Variants in SPACA1 observed in about 807,000 individuals in gnomAD.
SPACA1 encodes the protein sperm acrosome associated 1.
In SPACA1, 17 loss-of-function variants were observed where a neutral mutation model predicts 32.6. That is an observed-to-expected ratio of 0.52 (90% CI 0.36 to 0.78). The LOEUF is 0.78. Among genes scored for constraint, SPACA1 ranks in the 30% least tolerant of loss-of-function variants. The pLI is 0.01. For missense variants in SPACA1, 363 were observed against 373.4 expected, an observed-to-expected ratio of 0.97 and a Z score of 0.23; for synonymous variants, 140 against 138.1, an observed-to-expected ratio of 1.01 and a Z score of -0.10.
At chr6:88,060,717 T>TA (rs1190804510) in intron 5 of SPACA1, among the ~76,000 whole-genome samples, 2 of 152,188 alleles carry the variant, frequency 1.3e-5, no homozygotes, top group African/African-American at 2.4e-5. Flanking sequence ...ATCATTAAAC[T>TA]AAAAAATATC....
At chr6:88,061,549 A>C (rs1362973478) in intron 5 of SPACA1, among the ~76,000 whole-genome samples, 2 of 152,116 alleles carry the variant, frequency 1.3e-5, no homozygotes, top group African/African-American at 4.8e-5. Context: ...AAATGGAGAC[A>C]AAAATTGGAG....
intron 4 of SPACA1, 115 bp downstream of exon 4, chr6:88,058,937 T>A: frequency 1.6e-6 from 1 of 616,592 alleles, no homozygotes; most frequent in Non-Finnish European, 2.7e-6. Context: ...AAAACGAAGT[T>A]AAGAATTATA....
At chr6:88,048,241 C>A in intron 1 of SPACA1, 128 bp downstream of exon 1, 1 of 993,862 alleles carries the variant, frequency 1.0e-6, no homozygotes, top group Non-Finnish European at 1.5e-6. Flanking sequence ...ACTTCAGCCC[C>A]GAGTTTGTCC....
Position 88,047,993 on chromosome 6 carries a change from A to G in SPACA1, c.88A>G (p.Thr30Ala), listed in dbSNP as rs1423088021. Reference protein sequence around the residue: ...LLAGLQSARGTNVTAAVQDAG... With the variant: ...LLAGLQSARGANVTAAVQDAG... ...GGCGGGCCTCCAGTCCGCGCGCGGGACCAACGTCACCGCTGCCGTCCAGGA... is the reference window on the plus strand; with the variant it reads ...GGCGGGCCTCCAGTCCGCGCGCGGGGCCAACGTCACCGCTGCCGTCCAGGA... The change falls in exon 1 of 7, where the codon ACC (threonine) becomes GCC (alanine). Residue 30 changes from threonine to alanine, a missense_variant. Coordinates refer to ENST00000237201, the MANE Select transcript of SPACA1 (RefSeq NM_030960.3). 6.3e-7 allele frequency: 1 copy of G among 1,577,408 alleles called. No homozygotes were observed. The highest frequency in any genetic ancestry group is 2.3e-5 in the East Asian group (1 of 43,398).
At chr6:88,054,110 C>G (rs982970372) in intron 2 of SPACA1, 108 bp downstream of exon 2, 6 of 850,050 alleles carry the variant, frequency 7.1e-6, no homozygotes, top group Non-Finnish European at 1.1e-5. Context: ...ATGCATCTCT[C>G]ATGGATTTTT....
At position 88,066,384 on chromosome 6, in the gene SPACA1, T is replaced by G. The variant is rs1039236233; in HGVS notation, c.*49T>G. 3 of 1,467,250 alleles carry G rather than the reference T, an allele frequency of 2.0e-6. No individual in the cohort carries two copies. Among genetic ancestry groups the G allele is most frequent in the Non-Finnish European group, 2.7e-6 (3 of 1,094,816 alleles). The allele number at this position is 1,467,250 out of a possible 1,614,324, so 90.9% of individuals were successfully genotyped here. ...CAAAGGATATTACAGAATATTAGAT[T>G]CATTATTACAAAAATAAAATACACA... On this transcript the variant is annotated 3_prime_UTR_variant, in exon 7 of 7. Transcript: ENST00000237201.
intron 1 of SPACA1, among the ~76,000 whole-genome samples, chr6:88,052,893 A>G (rs1027893622): frequency 1.3e-5 from 2 of 152,214 alleles, no homozygotes; most frequent in South Asian, 2.1e-4. Context: ...AGTAGTGTTT[A>G]TGAAGCTATT....
At chr6:88,056,657 A>C (rs557770234) in intron 2 of SPACA1, among the ~76,000 whole-genome samples, 2 of 152,254 alleles carry the variant, frequency 1.3e-5, no homozygotes, top group East Asian at 3.9e-4. Context: ...TCTAGTCATC[A>C]ACTTCCCTTT....
intron 6 of SPACA1, 98 bp from the exon 7 acceptor site, chr6:88,066,084 C>A (rs1582278329): frequency 1.1e-6 from 1 of 937,956 alleles, no homozygotes; most frequent in Non-Finnish European, 1.5e-6. Context: ...TACACACACA[C>A]ACATATATAT....
chr6:88,047,549 C>A (rs113137336), upstream of SPACA1, among the ~76,000 whole-genome samples: 164 of 152,304 alleles, frequency 1.1e-3, no homozygotes, highest in African/African-American at 3.8e-3. Flanking sequence ...AAGAGTCGCT[C>A]CATAAACTGA....
At chr6:88,066,074 T>TAC (rs974403179) in intron 6 of SPACA1, 108 bp from the exon 7 acceptor site, 89 of 781,972 alleles carry the variant, frequency 1.1e-4, no homozygotes, top group Admixed American at 3.8e-4. Context: ...ATACAGGTAA[T>TAC]ACACACACAC....
intron 5 of SPACA1, 30 bp from the exon 6 acceptor site, chr6:88,064,069 A>T (rs764323835): frequency 6.2e-7 from 1 of 1,600,494 alleles, no homozygotes; most frequent in Admixed American, 1.7e-5. Context: ...CTCAGTAGTA[A>T]TACTCCTTAG....
intron 2 of SPACA1, 43 bp downstream of exon 2, chr6:88,054,045 C>A (rs753680053): frequency 1.9e-6 from 3 of 1,579,012 alleles, no homozygotes; most frequent in African/African-American, 2.7e-5. Context: ...TTGTAATTTG[C>A]GGGGGAGGAA....
intron 4 of SPACA1, among the ~76,000 whole-genome samples, chr6:88,059,152 C>T (rs1465852371): frequency 6.6e-6 from 1 of 152,106 alleles, no homozygotes; most frequent in Non-Finnish European, 1.5e-5. Flanking sequence ...TATTAAGTGC[C>T]AGACATGACA....
At chr6:88,064,347 T>G in intron 6 of SPACA1, 128 bp downstream of exon 6, 1 of 904,726 alleles carries the variant, frequency 1.1e-6, no homozygotes, top group Non-Finnish European at 1.6e-6. Flanking sequence ...TCCATCGCCT[T>G]TCATTACTCC....
intron 6 of SPACA1, among the ~76,000 whole-genome samples, chr6:88,065,672 G>A (rs1362207220): frequency 6.6e-6 from 1 of 150,998 alleles, no homozygotes; most frequent in African/African-American, 2.4e-5. Context: ...TTTTCCAAAA[G>A]AATTATTTTT....
At chr6:88,055,778 G>T (rs1232931715) in intron 2 of SPACA1, among the ~76,000 whole-genome samples, 2 of 152,152 alleles carry the variant, frequency 1.3e-5, no homozygotes, top group East Asian at 3.9e-4. Context: ...AGGCCATCCT[G>T]GCCAACATGG....
At chr6:88,052,266 A>T (rs774694167) in intron 1 of SPACA1, among the ~76,000 whole-genome samples, 28 of 152,108 alleles carry the variant, frequency 1.8e-4, no homozygotes, top group Middle Eastern at 6.8e-3. Flanking sequence ...AAATTGAACA[A>T]CTCTCCCAAA....
intron 1 of SPACA1, 86 bp from the exon 2 acceptor site, chr6:88,053,860 C>T: frequency 9.0e-7 from 1 of 1,105,458 alleles, no homozygotes; most frequent in East Asian, 2.5e-5. Context: ...ATATCATACA[C>T]ATGTCTTTCA....
Sources: gnomAD v4.1 joint callset for allele counts (sites outside exome capture counted in the v4.1 genomes callset) on GRCh38, gnomAD v4.1.1 for gene constraint, MANE v1.5 for transcripts, NCBI Gene and HGNC (gene_info 2026-07-23, HGNC 2026-07-21) for gene names.